TAFA1: variants seen among roughly 807,000 people sequenced by gnomAD.
TAFA1 encodes the protein TAFA chemokine like family member 1.
A neutral mutation model predicts 18.5 loss-of-function variants in TAFA1; 4 were observed. The observed-to-expected ratio is 0.22, with a 90% CI of 0.11 to 0.49. The LOEUF is 0.49. TAFA1 is among the 20% of genes least tolerant of loss of function. The pLI is 0.98. For synonymous variants in TAFA1, 56 were observed against 55.2 expected (o/e 1.01, Z -0.06); for missense variants, 147 against 169.0 (o/e 0.87, Z 0.72).
At chr3:68,086,147 G>A (rs1482627337) in intron 2 of TAFA1, among the ~76,000 whole-genome samples, 1 of 152,216 alleles carries the variant, frequency 6.6e-6, no homozygotes, top group Non-Finnish European at 1.5e-5. Context: ...ATGTTCTGAT[G>A]TGAGTAGTGG....
Position 68,305,437 on chromosome 3 carries a change from A to C in TAFA1, c.119-111843A>C, listed in dbSNP as rs1262513298. On this transcript the variant is annotated intron_variant, in intron 2 of 4. Coordinates refer to ENST00000478136, the MANE Select transcript of TAFA1 (RefSeq NM_213609.4). ...TATATATATATATATATATATATAT[A>C]TATATATATATATATATATAGGTAG... Among the ~76,000 whole-genome samples, 33 of 121,692 alleles carry C rather than the reference A, an allele frequency of 2.7e-4. 1 individual carries two copies. The highest frequency in any genetic ancestry group is 2.6e-3 in the South Asian group (9 of 3,480). The allele number at this position is 121,692 out of a possible 152,430, so 79.8% of individuals were successfully genotyped here. A position where few individuals can be genotyped will look rare whatever the true frequency, so the allele number is the denominator to read the frequency against.
intron 2 of TAFA1, among the ~76,000 whole-genome samples, chr3:68,056,432 C>T (rs780824655): frequency 5.9e-5 from 9 of 152,156 alleles, no homozygotes; most frequent in Admixed American, 1.3e-4. Context: ...TCTGTCCTTA[C>T]CAAACCAGAT....
At chr3:68,204,127 A>T (rs1038712931) in intron 2 of TAFA1, among the ~76,000 whole-genome samples, 1 of 151,638 alleles carries the variant, frequency 6.6e-6, no homozygotes, top group Admixed American at 6.6e-5. Flanking sequence ...TGTCTTTCCA[A>T]TTCTGGGGAC....
intron 2 of TAFA1, among the ~76,000 whole-genome samples, chr3:68,147,083 T>C (rs1444956758): frequency 6.6e-6 from 1 of 151,450 alleles, no homozygotes; most frequent in African/African-American, 2.4e-5. Flanking sequence ...TGTGTTGGCA[T>C]CTTAAAAAGA....
intron 3 of TAFA1, among the ~76,000 whole-genome samples, chr3:68,536,418 A>T (rs1211994649): frequency 6.6e-6 from 1 of 152,182 alleles, no homozygotes; most frequent in Non-Finnish European, 1.5e-5. Context: ...CTTAAAGATC[A>T]TGGTGGAGAG....
intron 2 of TAFA1, among the ~76,000 whole-genome samples, chr3:68,065,128 G>GT (rs1559723172): frequency 6.6e-6 from 1 of 152,076 alleles, no homozygotes; most frequent in Non-Finnish European, 1.5e-5. Context: ...CCTCAAATTA[G>GT]GGAGATCAGA....
chr3:68,217,460 G>A (rs1022374800), intron 2 of TAFA1, among the ~76,000 whole-genome samples: 1 of 151,998 alleles, frequency 6.6e-6, no homozygotes, highest in Non-Finnish European at 1.5e-5. Context: ...GAAGACTAAA[G>A]AGACAGATGG....
At chr3:68,291,220 C>T (rs1478334110) in intron 2 of TAFA1, among the ~76,000 whole-genome samples, 3 of 152,056 alleles carry the variant, frequency 2.0e-5, no homozygotes, top group Non-Finnish European at 2.9e-5. Context: ...TCCTTTATTA[C>T]GTTAATAGAA....
At chr3:68,181,241 C>A (rs1013844023) in intron 2 of TAFA1, among the ~76,000 whole-genome samples, 6 of 152,248 alleles carry the variant, frequency 3.9e-5, no homozygotes, top group Admixed American at 1.3e-4. Context: ...GGGACCCAGC[C>A]AAATTGTGCC....
chr3:68,152,964 T>A (rs1431408957), intron 2 of TAFA1, among the ~76,000 whole-genome samples: 1 of 152,058 alleles, frequency 6.6e-6, no homozygotes, highest in Non-Finnish European at 1.5e-5. Context: ...TGGGACCAGC[T>A]GCTTATAAGT....
intron 2 of TAFA1, among the ~76,000 whole-genome samples, chr3:68,324,734 T>A (rs1489082559): frequency 2.0e-5 from 3 of 152,202 alleles, no homozygotes; most frequent in African/African-American, 7.2e-5. Flanking sequence ...AAAACTGCAA[T>A]TACTTTTGCA....
chr3:68,300,771 G>A (rs2068289830), intron 2 of TAFA1, among the ~76,000 whole-genome samples: 1 of 152,134 alleles, frequency 6.6e-6, no homozygotes, highest in Non-Finnish European at 1.5e-5. Context: ...TTGAGATAGT[G>A]AGTTCTCACA....
At chr3:68,044,573 C>T (rs953427049) in intron 2 of TAFA1, among the ~76,000 whole-genome samples, 10 of 152,154 alleles carry the variant, frequency 6.6e-5, no homozygotes, top group Admixed American at 6.5e-4. Flanking sequence ...TTTAAGGAAA[C>T]AGATATATTC....
chr3:68,393,425 C>T (rs560721970), intron 2 of TAFA1, among the ~76,000 whole-genome samples: 101 of 150,470 alleles, frequency 6.7e-4, no homozygotes, highest in African/African-American at 2.3e-3. Flanking sequence ...CCAAATTCTA[C>T]CAGACTTTCA....
At chr3:68,463,994 CTG>C (rs540634018) in intron 3 of TAFA1, among the ~76,000 whole-genome samples, 41 of 152,272 alleles carry the variant, frequency 2.7e-4, no homozygotes, top group African/African-American at 9.4e-4. Flanking sequence ...TTCAAAATAA[CTG>C]TTTTATAGGA....
At chr3:68,537,103 T>G (rs1050807428) in intron 3 of TAFA1, among the ~76,000 whole-genome samples, 1 of 152,134 alleles carries the variant, frequency 6.6e-6, no homozygotes, top group African/African-American at 2.4e-5. Flanking sequence ...TGAAGAGTAT[T>G]GAGGCATTTG....
chr3:67,998,262 A>G, the TAFA1 span, among the ~76,000 whole-genome samples: 1 of 152,200 alleles, frequency 6.6e-6, no homozygotes, highest in East Asian at 1.9e-4. Context: ...TATACGTAGG[A>G]AGAAATTATA....
chr3:68,129,815 G>A (rs1388232770), intron 2 of TAFA1, among the ~76,000 whole-genome samples: 2 of 152,034 alleles, frequency 1.3e-5, no homozygotes, highest in African/African-American at 4.8e-5. Context: ...TGGCCTGAAA[G>A]AAAAAAGTTC....
At chr3:68,159,217 T>C (rs2065898551) in intron 2 of TAFA1, among the ~76,000 whole-genome samples, 1 of 152,174 alleles carries the variant, frequency 6.6e-6, no homozygotes, top group Admixed American at 6.5e-5. Flanking sequence ...GGAGCCCCAT[T>C]CTGAGATCAG....
Sources: gnomAD v4.1 joint callset for allele counts (sites outside exome capture counted in the v4.1 genomes callset) on GRCh38, gnomAD v4.1.1 for gene constraint, MANE v1.5 for transcripts, NCBI Gene and HGNC (gene_info 2026-07-23, HGNC 2026-07-21) for gene names.